The following PCDHA6 variants were observed in gnomAD, a reference collection of about 807,000 sequenced individuals.
PCDHA6 encodes the protein protocadherin alpha-6.
PCDHA6 carries 55 observed loss-of-function variants against 60.3 expected under a neutral mutation model. That is an observed-to-expected ratio of 0.91 (90% CI 0.73 to 1.14). PCDHA6 has a LOEUF of 1.14. Among genes scored for constraint, PCDHA6 ranks in the 50% most tolerant of loss-of-function variants. PCDHA6 has a pLI of 0.00. For missense variants in PCDHA6, 1,327 were observed against 1,256.5 expected (o/e 1.06, Z -0.85); for synonymous variants, 652 against 557.9 (o/e 1.17, Z -2.38).
rs782421721 is a variant in PCDHA6, at chr5:140,966,807, C to T, written c.2395-12142C>T. Reference sequence around the variant, plus strand: ...ACCAGACCTGCGGCGACAGAGCATCCACGGCTCCGGCGGCCCATGCCCTGG... The same window carrying T: ...ACCAGACCTGCGGCGACAGAGCATCTACGGCTCCGGCGGCCCATGCCCTGG... On this transcript the variant is annotated intron_variant, in intron 1 of 3. Transcript: ENST00000529310. 3 of 1,547,208 alleles carry T rather than the reference C, an allele frequency of 1.9e-6. No homozygotes were observed. The South Asian group carries it at 3.6e-5, about 18-fold the overall frequency.
chr5:140,846,963 T>C (rs1458103794), intron 1 of PCDHA6, among the ~76,000 whole-genome samples: 3 of 149,600 alleles, frequency 2.0e-5, no homozygotes, highest in African/African-American at 7.3e-5. Context: ...TGTGTTTCAG[T>C]GGTTTTAAAA....
rs1554139232 is a variant in PCDHA6 at position 140,842,637 on chromosome 5, C to T, written c.2394+12152C>T. On this transcript the variant is annotated intron_variant, in intron 1 of 3. Transcript: ENST00000529310. ...GGCTCGCCTTCGCTGTGGGCCACCG[C>T]CAGCTTGTCTGTGGAGGTGGCCGAC... 4 of 1,592,344 alleles carry T rather than the reference C, an allele frequency of 2.5e-6. No individual in the cohort carries two copies. The Middle Eastern group carries it at 6.8e-4, about 271-fold the overall frequency.
chr5:140,899,464 T>A (rs1357482231), intron 1 of PCDHA6, among the ~76,000 whole-genome samples: 22 of 152,226 alleles, frequency 1.4e-4, no homozygotes, highest in Admixed American at 2.0e-4. Context: ...GGTTTTTGTC[T>A]TTGGTTCTGT....
At chr5:140,836,109 G>T (rs2150253080) in intron 1 of PCDHA6, 6 of 1,613,610 alleles carry the variant, frequency 3.7e-6, no homozygotes, top group Non-Finnish European at 5.1e-6. Context: ...CACTGGTGGC[G>T]CAGTGAGAGA....
At position 140,850,006 on chromosome 5, in the gene PCDHA6, T is replaced by A. The variant is rs2150463121; in HGVS notation, c.2394+19521T>A. On this transcript the variant is annotated intron_variant, in intron 1 of 3. Coordinates refer to ENST00000529310, the MANE Select transcript of PCDHA6 (RefSeq NM_018909.4). ...GAGCGGCGGTTGGGCGAGCGCTCGC[T>A]GTCGAGCTACGTGTCAGTGCACGCG... is the stretch of plus-strand genomic sequence containing the variant. The A allele has an allele frequency of 2.5e-6, 4 of 1,596,854 alleles. No homozygotes were observed. In the African/African-American group the frequency reaches 5.4e-5, roughly 21 times the overall value.
intron 1 of PCDHA6, among the ~76,000 whole-genome samples, chr5:140,838,146 C>T (rs1775571297): frequency 2.0e-5 from 3 of 149,200 alleles, no homozygotes; most frequent in Non-Finnish European, 4.5e-5. Flanking sequence ...CAGAGTTTTA[C>T]TCTGTCGCCC....
intron 1 of PCDHA6, among the ~76,000 whole-genome samples, chr5:140,900,463 C>T (rs1319110335): frequency 6.6e-6 from 1 of 152,130 alleles, no homozygotes; most frequent in African/African-American, 2.4e-5. Flanking sequence ...TTTTAGTAGA[C>T]ACGGAGTTTC....
At position 141,012,226 on chromosome 5, in the gene PCDHA6, A is replaced by G. The variant is rs1021307000; in HGVS notation, c.*2289A>G. Reference sequence around the variant, plus strand: ...TTTTACATTTGCGAAGTGCTTTCCAATCCATGTTAGTTACTAGTTATTACA... The same window carrying G: ...TTTTACATTTGCGAAGTGCTTTCCAGTCCATGTTAGTTACTAGTTATTACA... On this transcript the variant is annotated 3_prime_UTR_variant, in exon 4 of 4. Transcript: ENST00000529310. The G allele has an allele frequency of 2.6e-5, 4 of 153,758 alleles. No individual in the cohort carries two copies. Among genetic ancestry groups the G allele is most frequent in the African/African-American group, 9.7e-5 (4 of 41,442 alleles). 9.5% of individuals were successfully genotyped at this position (153,758 alleles called of 1,614,324 possible). A position where few individuals can be genotyped will look rare whatever the true frequency, so the allele number is the denominator to read the frequency against.
intron 1 of PCDHA6, among the ~76,000 whole-genome samples, chr5:140,902,712 C>T (rs1207971068): frequency 6.6e-6 from 1 of 152,008 alleles, no homozygotes; most frequent in African/African-American, 2.4e-5. Flanking sequence ...CTTTCACTCC[C>T]CTCCCACCCT....
intron 1 of PCDHA6, among the ~76,000 whole-genome samples, chr5:140,881,114 T>A (rs2058590741): frequency 6.6e-6 from 1 of 152,204 alleles, no homozygotes; most frequent in Admixed American, 6.5e-5. Context: ...GGCCTGGGAT[T>A]TTGTGGCTTG....
chr5:140,971,547 C>T (rs904044424), intron 1 of PCDHA6, among the ~76,000 whole-genome samples: 3 of 152,074 alleles, frequency 2.0e-5, no homozygotes, highest in Non-Finnish European at 4.4e-5. Flanking sequence ...GCCAGATCAA[C>T]CTGTTAAATT....
intron 3 of PCDHA6, among the ~76,000 whole-genome samples, chr5:140,985,834 G>T (rs550087572): frequency 1.3e-5 from 2 of 150,860 alleles, no homozygotes; most frequent in South Asian, 4.2e-4. Flanking sequence ...CTGCCTCCCG[G>T]GTTCATGCCA....
At chr5:140,926,704 T>A in intron 1 of PCDHA6, 1 of 842,670 alleles carries the variant, frequency 1.2e-6, no homozygotes, top group Non-Finnish European at 1.7e-6. Context: ...GGCTCCCAGC[T>A]GGCCAGCCCC....
chr5:140,893,958 T>C (rs1391607597), intron 1 of PCDHA6, among the ~76,000 whole-genome samples: 2 of 152,228 alleles, frequency 1.3e-5, no homozygotes, highest in African/African-American at 4.8e-5. Flanking sequence ...ACTTTATTAG[T>C]CATTAGATAC....
At chr5:140,978,473 T>C (rs1401475037) in intron 1 of PCDHA6, among the ~76,000 whole-genome samples, 1 of 152,238 alleles carries the variant, frequency 6.6e-6, no homozygotes, top group Non-Finnish European at 1.5e-5. Flanking sequence ...TCAAATATGC[T>C]GCAGTCTGCA....
chr5:140,868,900 G>A (rs2050728202), intron 1 of PCDHA6: 1 of 811,546 alleles, frequency 1.2e-6, no homozygotes, highest in Non-Finnish European at 1.9e-6. Flanking sequence ...GCAAGGTGTC[G>A]CTCTTTACTT....
intron 1 of PCDHA6, among the ~76,000 whole-genome samples, chr5:140,921,904 T>A (rs1554200513): frequency 1.3e-5 from 2 of 151,968 alleles, no homozygotes; most frequent in African/African-American, 4.8e-5. Flanking sequence ...GATAAATATA[T>A]ATTACATGAT....
Position 140,829,415 on chromosome 5 carries a change from T to C in PCDHA6, c.1324T>C (p.Ser442Pro). 6.2e-7 allele frequency: 1 copy of C among 1,614,082 alleles called. No individual in the cohort carries two copies. The highest frequency in any genetic ancestry group is 1.1e-5 in the South Asian group (1 of 91,084). The change falls in exon 1 of 4, where the codon TCT becomes CCT. Residue 442 changes from serine (S) to proline (P), a missense_variant. Transcript: ENST00000529310. ...TTCGCTGTGGGCCACCGCCAGCTTG[T>C]CTGTGGAGGTGGCCGACATGAATGA... ...SPSLWATASLSVEVADMNDNA... is the reference protein window; with the variant it reads ...SPSLWATASLPVEVADMNDNA...
chr5:140,841,198 C>T (rs1554138026), intron 1 of PCDHA6: 1 of 1,281,234 alleles, frequency 7.8e-7, no homozygotes, highest in African/African-American at 1.5e-5. Flanking sequence ...TTTTCTCTGA[C>T]AGCATCTGTC....
Sources: gnomAD v4.1 joint callset for allele counts (sites outside exome capture counted in the v4.1 genomes callset) on GRCh38, gnomAD v4.1.1 for gene constraint, MANE v1.5 for transcripts, NCBI Gene and HGNC (gene_info 2026-07-23, HGNC 2026-07-21) for gene names.